MPHOSPH9: variants seen among roughly 807,000 people sequenced by gnomAD.
MPHOSPH9 encodes the protein M-phase phosphoprotein 9.
A neutral mutation model predicts 145.5 loss-of-function variants in MPHOSPH9; 88 were observed. That is an observed-to-expected ratio of 0.60 (90% confidence interval 0.51 to 0.72). The LOEUF (loss-of-function observed/expected upper bound fraction) is 0.72, where lower values mean the gene tolerates loss of function less well. MPHOSPH9 is among the 30% of genes least tolerant of loss of function. The pLI is 0.00. For synonymous variants in MPHOSPH9, 435 were observed against 486.2 expected (o/e 0.89, Z 1.39); for missense variants, 1,238 against 1,386.6 (o/e 0.89, Z 1.70).
chr12:123,195,585 CA>C (rs551573828), intron 12 of MPHOSPH9, among the ~76,000 whole-genome samples: 135 of 126,412 alleles, frequency 1.1e-3, no homozygotes, highest in Admixed American at 1.0e-3. Context: ...GACTCTGTCT[CA>C]AAAAAAAAAA....
intron 6 of MPHOSPH9, among the ~76,000 whole-genome samples, chr12:123,216,702 A>T (rs1158061248): frequency 6.6e-6 from 1 of 152,046 alleles, no homozygotes; most frequent in Non-Finnish European, 1.5e-5. Flanking sequence ...ATATATTTTA[A>T]AAAAATTTCT....
chr12:123,216,667 A>G (rs1301995090), intron 6 of MPHOSPH9, among the ~76,000 whole-genome samples: 1 of 152,040 alleles, frequency 6.6e-6, no homozygotes, highest in African/African-American at 2.4e-5. Flanking sequence ...CCTGGGCAAC[A>G]TAATGAGACC....
intron 21 of MPHOSPH9, among the ~76,000 whole-genome samples, chr12:123,161,657 T>G (rs1404590987): frequency 1.4e-5 from 2 of 145,784 alleles, no homozygotes; most frequent in Non-Finnish European, 3.0e-5. Context: ...TTAAGTAAAC[T>G]TAAAGCAAAA....
rs952108039 is a variant in MPHOSPH9, at chr12:123,174,435, C to G, written c.2456+2253G>C. Among the ~76,000 whole-genome samples, 3 of 151,014 alleles carry G rather than the reference C, an allele frequency of 2.0e-5. No homozygotes were observed. In the East Asian group the frequency reaches 5.8e-4, roughly 29 times the overall value. On this transcript the variant is annotated intron_variant, in intron 16 of 23. Transcript: ENST00000606320. The stretch of plus-strand genomic sequence containing the variant: ...TTGCCCAGGCTGGAATGCAGTGGCG[C>G]GATCTTGGCTCCCTGCAAGCTCCGC...
At position 123,173,819 on chromosome 12, in the gene MPHOSPH9, C is replaced by A. The variant is rs1455930095; in HGVS notation, c.2456+2869G>T. Among the ~76,000 whole-genome samples, 4 of 152,210 alleles carry A rather than the reference C, an allele frequency of 2.6e-5. No individual in the cohort carries two copies. In the East Asian group the frequency reaches 7.7e-4, roughly 29 times the overall value. ...TTATTTGTATCCTTTAAAATATCAT[C>A]TGTAATAAGTTGGTAAACATGATTC... On this transcript the variant is annotated intron_variant, in intron 16 of 23. Transcript: ENST00000606320.
At chr12:123,236,731 A>T (rs2047856479), upstream of MPHOSPH9, among the ~76,000 whole-genome samples, 1 of 152,144 alleles carries the variant, frequency 6.6e-6, no homozygotes, top group African/African-American at 2.4e-5. Flanking sequence ...CTGCTTTTTT[A>T]ATGTGTTTCT....
Position 123,214,781 on chromosome 12 carries a change from A to G in MPHOSPH9, c.1050T>C (p.Asp350=). The change falls in exon 7 of 24, where the codon GAT becomes GAC. Residue 350 remains aspartate, a synonymous_variant. Transcript: ENST00000606320. ...HPRAFYLSKP[D]ETPNAWMSDS... ...CAGACATCCAAGCATTTGGAGTTTC[A>G]TCTGGTTTACTGAGGTAAAAAGCAC... is the stretch of plus-strand genomic sequence containing the variant. 6.2e-7 allele frequency: 1 copy of G among 1,613,690 alleles called. No homozygotes were observed. The highest frequency in any genetic ancestry group is 8.5e-7 in the Non-Finnish European group (1 of 1,179,646).
upstream of MPHOSPH9, among the ~76,000 whole-genome samples, chr12:123,235,573 C>T (rs1323216802): frequency 6.6e-6 from 1 of 151,074 alleles, no homozygotes; most frequent in African/African-American, 2.4e-5. Flanking sequence ...GGGGTTTCAC[C>T]GTGTTAGCCA....
In MPHOSPH9 at chr12:123,176,696, C is replaced by T. The variant is rs778646835; in HGVS notation, c.2448G>A (p.Ser816=). Reference sequence around the variant, plus strand: ...TAAATGAAATAACTTACTTGGCACGCGAGGGTCTCACGTGAATTCTAGAAT... The same window carrying T: ...TAAATGAAATAACTTACTTGGCACGTGAGGGTCTCACGTGAATTCTAGAAT... ...RHNSRIHVRP[S]RANTLATSDV... is the part of the protein sequence containing the mutation. Residue 816 remains serine, a synonymous_variant, in exon 16 of 24, where the codon TCG becomes TCA. Transcript: ENST00000606320. 44 of 1,611,216 alleles carry T rather than the reference C, an allele frequency of 2.7e-5. No individual in the cohort carries two copies. The highest frequency in any genetic ancestry group is 1.9e-4 in the South Asian group (17 of 91,004).
rs199599690 is a variant in MPHOSPH9 at position 123,202,782 on chromosome 12, G to A, written c.1623C>T (p.Thr541=). The change falls in exon 10 of 24, where the codon ACC becomes ACT. Residue 541 remains threonine, a synonymous_variant. Transcript: ENST00000606320. ...TGACCGAGATATCATTACTAGTAAT[G>A]GTATATACTGACGGAAACGTGGAAC... ...RTSSTFPSVY[T]ITSNDISVNT... is the part of the protein sequence containing the mutation. 2 of 1,614,072 alleles carry A rather than the reference G, an allele frequency of 1.2e-6. No individual in the cohort carries two copies. Among genetic ancestry groups the A allele is most frequent in the East Asian group, 4.5e-5 (2 of 44,876 alleles).
chr12:123,215,851 T>C (rs768827670), intron 6 of MPHOSPH9, among the ~76,000 whole-genome samples: 1 of 152,208 alleles, frequency 6.6e-6, no homozygotes, highest in Non-Finnish European at 1.5e-5. Flanking sequence ...CCTACGAAGA[T>C]GGGGAATTAA....
chr12:123,210,247 T>C, intron 7 of MPHOSPH9, 85 bp from the exon 8 acceptor site: 1 of 699,956 alleles, frequency 1.4e-6, no homozygotes, highest in Non-Finnish European at 2.2e-6. Flanking sequence ...CTAAAGGAAA[T>C]TAAATATGGG....
Position 123,203,042 on chromosome 12 carries a change from G to A in MPHOSPH9, c.1363C>T (p.Gln455Ter). 6.2e-7 allele frequency: 1 copy of A among 1,614,120 alleles called. No individual in the cohort carries two copies. Among genetic ancestry groups the A allele is most frequent in the Non-Finnish European group, 8.5e-7 (1 of 1,180,020 alleles). ...DPTLHMKPKQ[Q>*]ISGIQPHGLP... ...CCGTGAGGTTGAATCCCTGAAATCT[G>A]CTGCTTTGGCTTCATGTGTAACGTA... The change falls in exon 10 of 24, where the codon CAG becomes TAG. Residue 455 changes from glutamine (Q) to a stop codon, truncating the protein, a stop_gained. Transcript: ENST00000606320. LOFTEE classifies it high-confidence loss of function.
intron 8 of MPHOSPH9, among the ~76,000 whole-genome samples, chr12:123,205,979 C>A (rs1311308583): frequency 6.6e-6 from 1 of 152,068 alleles, no homozygotes; most frequent in Non-Finnish European, 1.5e-5. Flanking sequence ...GAATCAGACA[C>A]GTTTAGCAAC....
rs539530050 is a variant in MPHOSPH9 at position 123,155,769 on chromosome 12, G to A, written c.*1038C>T. On this transcript the variant is annotated 3_prime_UTR_variant, in exon 24 of 24. Transcript: ENST00000606320. ...CCAGCGGCTACCACAGAGGCAGTGG[G>A]CTGGAGCCCTCTGCAAGGCCGAGGG... 3.3e-5 allele frequency: 5 copies of A among 152,382 alleles called. No individual in the cohort carries two copies. Among genetic ancestry groups the A allele is most frequent in the African/African-American group, 1.2e-4 (5 of 41,586 alleles). 9.4% of individuals were successfully genotyped at this position (152,382 alleles called of 1,614,324 possible).
At chr12:123,178,471 T>C (rs567396692) in intron 15 of MPHOSPH9, among the ~76,000 whole-genome samples, 95 of 152,278 alleles carry the variant, frequency 6.2e-4, no homozygotes, top group South Asian at 2.3e-3. Context: ...TATATCCAAA[T>C]ACAAACATAA....
chr12:123,153,163 G>A (rs1037293334), downstream of MPHOSPH9: 2 of 152,064 alleles, frequency 1.3e-5, no homozygotes, highest in Admixed American at 6.6e-5. Flanking sequence ...ACATTTGAAG[G>A]GGCAATTATT....
In MPHOSPH9 at chr12:123,161,118, A is replaced by G. The variant is rs1441321539; in HGVS notation, c.3381+18T>C. 9.9e-6 allele frequency: 16 copies of G among 1,610,522 alleles called. No individual in the cohort carries two copies. Among genetic ancestry groups the G allele is most frequent in the Non-Finnish European group, 1.3e-5 (15 of 1,178,420 alleles). The stretch of plus-strand genomic sequence containing the variant: ...TAAGTTCAGAAAACAATTTTTAAAA[A>G]TATTTGTTTGTTTTTACCTGGTCCT... On this transcript the variant is annotated intron_variant, in intron 22 of 23. Transcript: ENST00000606320.
chr12:123,186,049 A>AC (rs1173550387), intron 13 of MPHOSPH9, among the ~76,000 whole-genome samples: 1 of 151,854 alleles, frequency 6.6e-6, no homozygotes, highest in Non-Finnish European at 1.5e-5. Context: ...ACATGGTGAA[A>AC]CCCCGTTTCT....
Sources: allele counts gnomAD v4.1 joint callset (sites outside exome capture counted in the v4.1 genomes callset), GRCh38; gene constraint gnomAD v4.1.1; transcripts MANE v1.5; gene names NCBI Gene and HGNC (gene_info 2026-07-23, HGNC 2026-07-21).